Variants in DOCK5 observed in about 807,000 individuals in gnomAD.
The protein encoded by DOCK5 is dedicator of cytokinesis 5.
In DOCK5, 142 loss-of-function variants were observed where a neutral mutation model predicts 251.8. The observed-to-expected ratio is 0.56, with a 90% CI of 0.49 to 0.65. The LOEUF (loss-of-function observed/expected upper bound fraction) is 0.65. Among genes scored for constraint, DOCK5 ranks in the 30% least tolerant of loss-of-function variants. The pLI is 0.00. For synonymous variants in DOCK5, 842 were observed against 835.5 expected (o/e 1.01, Z -0.13); for missense variants, 2,111 against 2,312.3 (o/e 0.91, Z 1.79).
At chr8:25,266,064 A>G (rs986148968) in intron 2 of DOCK5, among the ~76,000 whole-genome samples, 2 of 151,846 alleles carry the variant, frequency 1.3e-5, no homozygotes, top group African/African-American at 4.9e-5. Context: ...CCCTAAATGT[A>G]GGCAAGAGTG....
At chr8:25,218,472 G>A (rs999616964) in intron 1 of DOCK5, among the ~76,000 whole-genome samples, 1 of 152,164 alleles carries the variant, frequency 6.6e-6, no homozygotes, top group Admixed American at 6.5e-5. Context: ...GTGGTGTCTG[G>A]ACCTTGCCAT....
intron 1 of DOCK5, among the ~76,000 whole-genome samples, chr8:25,230,231 T>C (rs1268018339): frequency 6.6e-6 from 1 of 152,192 alleles, no homozygotes; most frequent in African/African-American, 2.4e-5. Context: ...GCAGGAGTTT[T>C]GCAATGTCAT....
intron 1 of DOCK5, among the ~76,000 whole-genome samples, chr8:25,236,860 A>T (rs1380719503): frequency 6.6e-6 from 1 of 151,808 alleles, no homozygotes; most frequent in African/African-American, 2.4e-5. Context: ...CGGCCTCCCA[A>T]AGTTCTGGGA....
At chr8:25,301,105 C>T (rs1463442779) in intron 9 of DOCK5, among the ~76,000 whole-genome samples, 3 of 152,106 alleles carry the variant, frequency 2.0e-5, no homozygotes, top group Non-Finnish European at 2.9e-5. Context: ...TCGGATATGC[C>T]AAAGAGAAGC....
chr8:25,332,844 C>G (rs1262513380), intron 20 of DOCK5, among the ~76,000 whole-genome samples, 152 bp downstream of exon 20: 1 of 152,178 alleles, frequency 6.6e-6, no homozygotes, highest in African/African-American at 2.4e-5. Context: ...CCTAGAAGTA[C>G]TATTAGAAAC....
rs5890230 is a variant in DOCK5 at position 25,396,763 on chromosome 8, CGTGTGTGTGTGTGT to C, written c.4704+1067_4704+1080del. ...ATTAATTGGGTGGCACTCTTGTGTC[CGTGTGTGTGTGTGT>C]GTGTGTGTGTGTGTGTGTGTGTCCC... On this transcript the variant is annotated intron_variant, in intron 45 of 51. Coordinates refer to ENST00000276440, the MANE Select transcript of DOCK5 (RefSeq NM_024940.8). Among the ~76,000 whole-genome samples the C allele has an allele frequency of 5.1e-3, 756 of 147,206 alleles. 4 individuals are homozygous for C. The highest frequency in any genetic ancestry group is 0.029 in the South Asian group (132 of 4,526).
intron 2 of DOCK5, among the ~76,000 whole-genome samples, chr8:25,261,971 T>C (rs1417562892): frequency 1.3e-5 from 2 of 152,338 alleles, no homozygotes; most frequent in East Asian, 3.9e-4. Flanking sequence ...ATATTACGTA[T>C]TATATATCAT....
chr8:25,408,071 C>G lies in DOCK5; in HGVS notation c.5182C>G (p.Arg1728Gly), dbSNP rs770100848. The G allele has an allele frequency of 6.2e-7, 1 of 1,607,250 alleles. No individual in the cohort carries two copies. The highest frequency in any genetic ancestry group is 8.5e-7 in the Non-Finnish European group (1 of 1,176,818). ...LSLREENSEN[R>G]ISKFKRKDWS... is the part of the protein sequence containing the mutation. ...CCTTAGAGAGGAGAACAGCGAGAAC[C>G]GGATCAGCAAGTTTAAGAGAAAAGA... is the stretch of plus-strand genomic sequence containing the variant. The change falls in exon 49 of 52, where the codon CGG (arginine) becomes GGG (glycine). Residue 1728 changes from arginine to glycine, a missense_variant. Around this residue, in one of 3 missense-constraint regions of DOCK5, gnomAD observed 1,717 missense variants for 1,892.4 expected, o/e 0.91. Transcript: ENST00000276440.
At chr8:25,303,244 T>C (rs1340688638) in intron 10 of DOCK5, among the ~76,000 whole-genome samples, 1 of 152,210 alleles carries the variant, frequency 6.6e-6, no homozygotes. Flanking sequence ...TTCTGTGTCC[T>C]CACCTGGCCC....
At chr8:25,377,773 C>T (rs938733699) in intron 38 of DOCK5, among the ~76,000 whole-genome samples, 6 of 152,188 alleles carry the variant, frequency 3.9e-5, no homozygotes, top group African/African-American at 1.4e-4. Flanking sequence ...CCATAGGGAA[C>T]AGTCTGGGAG....
intron 6 of DOCK5, among the ~76,000 whole-genome samples, chr8:25,294,305 G>C (rs904322627): frequency 6.6e-6 from 1 of 152,184 alleles, no homozygotes; most frequent in Non-Finnish European, 1.5e-5. Flanking sequence ...CCATGGAAAG[G>C]AACCTGCCAG....
chr8:25,400,135 G>C (rs972148676), intron 46 of DOCK5, 141 bp downstream of exon 46: 1 of 664,094 alleles, frequency 1.5e-6, no homozygotes, highest in Non-Finnish European at 2.6e-6. Flanking sequence ...ACCTATCTAT[G>C]TATTTGTTTG....
intron 1 of DOCK5, among the ~76,000 whole-genome samples, chr8:25,230,850 C>T (rs1275369427): frequency 6.6e-6 from 1 of 151,680 alleles, no homozygotes; most frequent in African/African-American, 2.4e-5. Context: ...GACTCCATCT[C>T]AAAAATAAAT....
chr8:25,315,288 G>C (rs1162291513), intron 13 of DOCK5, among the ~76,000 whole-genome samples: 2 of 151,406 alleles, frequency 1.3e-5, no homozygotes, highest in Non-Finnish European at 2.9e-5. Flanking sequence ...CCCTGACTGT[G>C]CTAACAGCTG....
chr8:25,208,700 A>G (rs1234291329), intron 1 of DOCK5, among the ~76,000 whole-genome samples: 1 of 152,226 alleles, frequency 6.6e-6, no homozygotes, highest in Non-Finnish European at 1.5e-5. Flanking sequence ...AGGGGAACCG[A>G]AAAATTTGTG....
At chr8:25,271,051 T>C (rs1448865939) in intron 3 of DOCK5, 1 of 430,300 alleles carries the variant, frequency 2.3e-6, no homozygotes, top group Non-Finnish European at 4.1e-6. Context: ...GTTGAACCCA[T>C]GATATGGAGG....
At chr8:25,326,540 G>A (rs1805570150) in intron 18 of DOCK5, among the ~76,000 whole-genome samples, 1 of 152,086 alleles carries the variant, frequency 6.6e-6, no homozygotes, top group Non-Finnish European at 1.5e-5. Context: ...CAAAAATGAA[G>A]CCAGAAACAT....
chr8:25,273,308 A>G (rs1297133923), intron 3 of DOCK5, among the ~76,000 whole-genome samples: 1 of 152,246 alleles, frequency 6.6e-6, no homozygotes, highest in Non-Finnish European at 1.5e-5. Context: ...TCATTAAAAA[A>G]ATTAAATAGA....
chr8:25,345,764 A>T (rs1008527797), intron 26 of DOCK5, among the ~76,000 whole-genome samples, 153 bp downstream of exon 26: 1 of 152,126 alleles, frequency 6.6e-6, no homozygotes, highest in African/African-American at 2.4e-5. Context: ...GGGAGGCCAG[A>T]GCCTCCAGTG....
Sources: allele counts gnomAD v4.1 joint callset (sites outside exome capture counted in the v4.1 genomes callset), GRCh38; gene constraint gnomAD v4.1.1; regional missense constraint gnomAD v4.1.1; transcripts MANE v1.5; gene names NCBI Gene and HGNC (gene_info 2026-07-23, HGNC 2026-07-21).